Variants in ERG observed in about 807,000 individuals in gnomAD.
ERG encodes transcriptional regulator ERG.
A neutral mutation model predicts 55.3 loss-of-function variants in ERG; 9 were observed. The observed-to-expected ratio is 0.16, with a 90% CI of 0.10 to 0.28. The LOEUF (loss-of-function observed/expected upper bound fraction) is 0.28, where lower values mean the gene tolerates loss of function less well. Among genes scored for constraint, ERG ranks in the 10% least tolerant of loss-of-function variants. The pLI is 1.00. For synonymous variants in ERG, 223 were observed against 237.3 expected, an observed-to-expected ratio of 0.94 and a Z score of 0.55; for missense variants, 434 against 631.6, an observed-to-expected ratio of 0.69 and a Z score of 3.35.
rs541987498 is a variant in ERG at position 38,495,701 on chromosome 21, C to T, written c.18+2662G>A. Among the ~76,000 whole-genome samples, 4 of 152,240 alleles carry T rather than the reference C, an allele frequency of 2.6e-5. No individual in the cohort carries two copies. In the East Asian group the frequency reaches 7.7e-4, roughly 29 times the overall value. ...TATTATTCTGAGAAAGGACTGTAGG[C>T]TTCACTAGACTTCCCAAATTGCAGA... On this transcript the variant is annotated intron_variant, in intron 1 of 9. Coordinates refer to ENST00000288319, the MANE Select transcript of ERG (RefSeq NM_182918.4).
intron 2 of ERG, among the ~76,000 whole-genome samples, chr21:38,541,835 T>C (rs532966133): frequency 1.3e-5 from 2 of 152,308 alleles, no homozygotes; most frequent in African/African-American, 2.4e-5. Context: ...GATGGGTTGA[T>C]AGGTGCAGGG....
intron 1 of ERG, among the ~76,000 whole-genome samples, chr21:38,493,739 C>A (rs1330063231): frequency 6.6e-6 from 1 of 152,146 alleles, no homozygotes; most frequent in Non-Finnish European, 1.5e-5. Context: ...GGACGCTCCA[C>A]CTGCCCCTGT....
intron 1 of ERG, among the ~76,000 whole-genome samples, chr21:38,479,343 C>T (rs562431362): frequency 4.5e-4 from 68 of 152,270 alleles, no homozygotes; most frequent in African/African-American, 1.6e-3. Flanking sequence ...AAGCTGCCAC[C>T]CTTGAGACCT....
chr21:38,380,348 C>T lies in ERG; in HGVS notation c.*3055G>A. The T allele has an allele frequency of 9.4e-7, 1 of 1,059,414 alleles. No homozygotes were observed. Among genetic ancestry groups the T allele is most frequent in the Non-Finnish European group, 1.1e-6 (1 of 875,594 alleles). 65.6% of individuals were successfully genotyped at this position (1,059,414 alleles called of 1,614,324 possible). ...GGAGAAGCAGTGAGCCTTCTAACTG[C>T]AGCAGTCCTGACAAAGCACTTTGTG... On this transcript the variant is annotated 3_prime_UTR_variant, in exon 10 of 10. Transcript: ENST00000288319.
At chr21:38,642,353 G>A (rs953711682) in intron 1 of ERG, among the ~76,000 whole-genome samples, 14 of 152,126 alleles carry the variant, frequency 9.2e-5, no homozygotes, top group African/African-American at 2.4e-4. Context: ...GTATGCTCAC[G>A]GTAAACAAAG....
At chr21:38,624,627 G>A (rs2060313809) in intron 1 of ERG, among the ~76,000 whole-genome samples, 3 of 152,090 alleles carry the variant, frequency 2.0e-5, no homozygotes, top group African/African-American at 7.2e-5. Context: ...TTCTGTGATG[G>A]GACGACCTGG....
upstream of ERG, among the ~76,000 whole-genome samples, chr21:38,588,008 C>T (rs2060076833): frequency 6.6e-6 from 1 of 152,112 alleles, no homozygotes; most frequent in Non-Finnish European, 1.5e-5. Flanking sequence ...TTCATTTATC[C>T]TGAGAGCATT....
chr21:38,381,819 G>C lies in ERG; in HGVS notation c.*1584C>G. ...ACCCGGGGTCCTTCTGTTCCAAAAG[G>C]GGCTAGAAATAAAAGACAGGAGGGG... On this transcript the variant is annotated 3_prime_UTR_variant, in exon 10 of 10. Transcript: ENST00000288319. 1 of 1,063,570 alleles carries C rather than the reference G, an allele frequency of 9.4e-7. No homozygotes were observed. The highest frequency in any genetic ancestry group is 1.1e-6 in the Non-Finnish European group (1 of 878,240). 65.9% of individuals were successfully genotyped at this position (1,063,570 alleles called of 1,614,324 possible).
chr21:38,430,327 G>A (rs919692356), intron 2 of ERG, among the ~76,000 whole-genome samples: 5 of 152,150 alleles, frequency 3.3e-5, no homozygotes, highest in Non-Finnish European at 7.3e-5. Context: ...TTTGTCAAAT[G>A]CATAGTTTGC....
intron 1 of ERG, among the ~76,000 whole-genome samples, chr21:38,482,216 G>A (rs2146652296): frequency 6.6e-6 from 1 of 152,308 alleles, no homozygotes; most frequent in Non-Finnish European, 1.5e-5. Flanking sequence ...GACGTGGATA[G>A]ACATTTTCCC....
chr21:38,575,610 AC>A, intron 2 of ERG: 1 of 1,363,430 alleles, frequency 7.3e-7, no homozygotes, highest in Admixed American at 1.7e-5. Flanking sequence ...ATCCATGAAA[AC>A]CTAGGCACAG....
At chr21:38,408,168 G>A (rs1355369721) in intron 3 of ERG, among the ~76,000 whole-genome samples, 1 of 152,070 alleles carries the variant, frequency 6.6e-6, no homozygotes, top group Non-Finnish European at 1.5e-5. Flanking sequence ...AAGAAATGAG[G>A]GCATTCCTTT....
intron 1 of ERG, among the ~76,000 whole-genome samples, chr21:38,661,072 C>G (rs947185479): frequency 6.6e-6 from 1 of 151,010 alleles, no homozygotes; most frequent in South Asian, 2.1e-4. Flanking sequence ...CTGGGACGGC[C>G]GGAGGAGAGA....
intron 2 of ERG, among the ~76,000 whole-genome samples, chr21:38,504,712 C>T (rs185466929): frequency 2.6e-3 from 394 of 152,328 alleles, no homozygotes; most frequent in African/African-American, 8.8e-3. Flanking sequence ...ACTCTACCCC[C>T]GACTCAGATC....
At chr21:38,540,054 G>A (rs780228285) in intron 2 of ERG, among the ~76,000 whole-genome samples, 3 of 151,746 alleles carry the variant, frequency 2.0e-5, no homozygotes, top group Non-Finnish European at 4.4e-5. Context: ...ACACCACCAC[G>A]CCTGGCTAAT....
intron 1 of ERG, among the ~76,000 whole-genome samples, chr21:38,584,570 T>C (rs2060050879): frequency 6.6e-6 from 1 of 152,136 alleles, no homozygotes; most frequent in Non-Finnish European, 1.5e-5. Flanking sequence ...GTGAAGACTA[T>C]AGAACTGAGA....
At chr21:38,450,359 C>T (rs896343749) in intron 1 of ERG, among the ~76,000 whole-genome samples, 10 of 151,846 alleles carry the variant, frequency 6.6e-5, no homozygotes, top group African/African-American at 2.4e-4. Context: ...GCCGAGGTGA[C>T]AGAGTGAGAC....
At chr21:38,401,666 C>T (rs1391696354) in intron 5 of ERG, among the ~76,000 whole-genome samples, 1 of 152,100 alleles carries the variant, frequency 6.6e-6, no homozygotes, top group Non-Finnish European at 1.5e-5. Flanking sequence ...CTGGCACTTC[C>T]CGTCTCCCTC....
intron 1 of ERG, among the ~76,000 whole-genome samples, chr21:38,608,214 T>C (rs1156280158): frequency 1.3e-5 from 2 of 152,102 alleles, no homozygotes; most frequent in Admixed American, 6.6e-5. Context: ...AAACCATAAA[T>C]AAACAGAAAA....
Sources: allele counts gnomAD v4.1 joint callset (sites outside exome capture counted in the v4.1 genomes callset), GRCh38; gene constraint gnomAD v4.1.1; transcripts MANE v1.5; gene names NCBI Gene and HGNC (gene_info 2026-07-23, HGNC 2026-07-21).